The following OLAH variants were observed in gnomAD, a reference collection of about 807,000 sequenced individuals.
OLAH encodes oleoyl-ACP hydrolase, also known as S-acyl fatty acid synthase thioesterase, medium chain.
In OLAH, 33 loss-of-function variants were observed where a neutral mutation model predicts 27.8. That is an observed-to-expected ratio of 1.19 (90% CI 0.90 to 1.59). OLAH has a LOEUF of 1.59. Ranked by LOEUF, OLAH falls within the 40% of genes most tolerant of loss-of-function variation. The probability of loss-of-function intolerance (pLI) is 0.00; values close to 1 mark genes in which losing one functional copy is unlikely to be tolerated. For missense variants in OLAH, 359 were observed against 310.8 expected, an observed-to-expected ratio of 1.16 and a Z score of -1.17; for synonymous variants, 120 against 102.9, an observed-to-expected ratio of 1.17 and a Z score of -1.01.
chr10:15,038,386 G>C (rs1843873796), intron 1 of OLAH, among the ~76,000 whole-genome samples: 2 of 152,150 alleles, frequency 1.3e-5, no homozygotes, highest in Non-Finnish European at 1.5e-5. Context: ...CATAAGATTT[G>C]GGAGGGGTCC....
chr10:15,033,347 T>C (rs150954748), intron 1 of OLAH, among the ~76,000 whole-genome samples: 1 of 152,276 alleles, frequency 6.6e-6, no homozygotes, highest in East Asian at 1.9e-4. Flanking sequence ...CTTTGATGAC[T>C]TCAAATCTAG....
At chr10:15,071,656 G>T in intron 6 of OLAH, 139 bp from the exon 7 acceptor site, 1 of 1,412,826 alleles carries the variant, frequency 7.1e-7, no homozygotes, top group Non-Finnish European at 9.3e-7. Context: ...AAGTGCCATT[G>T]GTGAAAAATG....
intron 7 of OLAH, 130 bp downstream of exon 7, chr10:15,072,007 C>G (rs1197687517): frequency 1.6e-6 from 1 of 609,606 alleles, no homozygotes; most frequent in Non-Finnish European, 2.9e-6. Flanking sequence ...AATCTCAGCT[C>G]ATTGCAACCT....
At chr10:15,063,207 A>C (rs1258825008) in intron 4 of OLAH, among the ~76,000 whole-genome samples, 4 of 152,082 alleles carry the variant, frequency 2.6e-5, no homozygotes, top group Admixed American at 2.6e-4. Context: ...GCTCACTGCA[A>C]CCTCTGTCTG....
At chr10:15,064,977 A>G (rs1263040026) in intron 5 of OLAH, among the ~76,000 whole-genome samples, 2 of 152,224 alleles carry the variant, frequency 1.3e-5, no homozygotes, top group Non-Finnish European at 2.9e-5. Flanking sequence ...TGCAACGGCA[A>G]AAACCACAAT....
chr10:15,073,348 C>T lies in OLAH; in HGVS notation c.*119C>T, dbSNP rs1477619990. ...CACATTTTCTACTGTCAGGGAGATT[C>T]GTTACATAAATATATTTACGTATCT... On this transcript the variant is annotated 3_prime_UTR_variant, in exon 8 of 8. Coordinates refer to ENST00000378228, the MANE Select transcript of OLAH (RefSeq NM_001039702.3). 10 of 688,082 alleles carry T rather than the reference C, an allele frequency of 1.5e-5. No homozygotes were observed. The highest frequency in any genetic ancestry group is 5.5e-5 in the African/African-American group (3 of 54,590). The allele number at this position is 688,082 out of a possible 1,614,324, so 42.6% of individuals were successfully genotyped here.
chr10:15,058,062 G>T (rs975458751), intron 3 of OLAH, among the ~76,000 whole-genome samples: 2 of 152,106 alleles, frequency 1.3e-5, no homozygotes, highest in Admixed American at 1.3e-4. Context: ...TTTTGTTTGG[G>T]GTTGCCGTGA....
intron 1 of OLAH, among the ~76,000 whole-genome samples, chr10:15,044,540 T>C (rs1441047370): frequency 6.6e-6 from 1 of 152,018 alleles, no homozygotes; most frequent in African/African-American, 2.4e-5. Context: ...CTACTGTCTT[T>C]TTCATTCCTC....
chr10:15,072,454 G>C (rs919636914), intron 7 of OLAH, among the ~76,000 whole-genome samples: 1 of 152,124 alleles, frequency 6.6e-6, no homozygotes, highest in South Asian at 2.1e-4. Context: ...GACACCTAGT[G>C]TAAGAGTTAA....
chr10:15,065,464 T>C, intron 5 of OLAH, 120 bp from the exon 6 acceptor site: 1 of 1,017,378 alleles, frequency 9.8e-7, no homozygotes, highest in Non-Finnish European at 1.4e-6. Context: ...AGCCTATAGA[T>C]AAAGCAGTCT....
At chr10:15,044,809 C>T (rs1361050023) in intron 1 of OLAH, among the ~76,000 whole-genome samples, 1 of 152,140 alleles carries the variant, frequency 6.6e-6, no homozygotes, top group African/African-American at 2.4e-5. Context: ...CCCCACCTCT[C>T]CTCACCTCCT....
At chr10:15,060,599 G>C (rs1055542032) in intron 3 of OLAH, among the ~76,000 whole-genome samples, 1 of 151,852 alleles carries the variant, frequency 6.6e-6, no homozygotes, top group Non-Finnish European at 1.5e-5. Flanking sequence ...ACATCTCTAC[G>C]AGTTCCATTT....
At chr10:15,071,462 G>A in intron 6 of OLAH, 3 of 934,232 alleles carry the variant, frequency 3.2e-6, no homozygotes, top group Non-Finnish European at 3.8e-6. Flanking sequence ...CTGGGCCAAG[G>A]AGAGCTAAGA....
intron 6 of OLAH, 123 bp from the exon 7 acceptor site, chr10:15,071,672 C>A: frequency 7.0e-7 from 1 of 1,420,856 alleles, no homozygotes; most frequent in Non-Finnish European, 9.4e-7. Context: ...AAATGTTTTA[C>A]ACTGCTAGAG....
At chr10:15,046,517 G>C (rs1056717664) in intron 1 of OLAH, among the ~76,000 whole-genome samples, 3 of 151,834 alleles carry the variant, frequency 2.0e-5, no homozygotes, top group African/African-American at 7.2e-5. Context: ...ACCCAGGCTG[G>C]AGTGCAGTGG....
In OLAH at chr10:15,064,254, A is replaced by C. The variant is rs1439455097; in HGVS notation, c.303-149A>C. 3 of 603,528 alleles carry C rather than the reference A, an allele frequency of 5.0e-6. No individual in the cohort carries two copies. In the East Asian group the frequency reaches 9.4e-5, roughly 19 times the overall value. 37.4% of individuals were successfully genotyped at this position (603,528 alleles called of 1,614,324 possible). A position where few individuals can be genotyped will look rare whatever the true frequency, so the allele number is the denominator to read the frequency against. ...GTTTTTATGCTGATTTAAATCACTG[A>C]AAAGATAGACTTCTTAATCAACTCA... On this transcript the variant is annotated intron_variant, in intron 4 of 7. Transcript: ENST00000378228.
upstream of OLAH, among the ~76,000 whole-genome samples, chr10:15,039,530 T>A (rs981128658): frequency 7.9e-5 from 12 of 152,154 alleles, no homozygotes; most frequent in Admixed American, 2.0e-4. Context: ...TGAGCCGAGA[T>A]TGTGCCACTG....
rs557599376 is a variant in OLAH at position 15,073,826 on chromosome 10, C to T, written c.*597C>T. ...GTGAAGATGATTAACAGGGGAAATG[C>T]TTGAAGTAAATGATTGTTTCAATGG... is the stretch of plus-strand genomic sequence containing the variant. On this transcript the variant is annotated 3_prime_UTR_variant, in exon 8 of 8. Coordinates refer to ENST00000378228, the MANE Select transcript of OLAH (RefSeq NM_001039702.3). 5.3e-5 allele frequency: 8 copies of T among 152,232 alleles called. No individual in the cohort carries two copies. The highest frequency in any genetic ancestry group is 1.4e-4 in the African/African-American group (6 of 41,526). The allele number at this position is 152,232 out of a possible 1,614,324, so 9.4% of individuals were successfully genotyped here.
At chr10:15,041,978 G>C (rs1309385710), upstream of OLAH, among the ~76,000 whole-genome samples, 1 of 151,614 alleles carries the variant, frequency 6.6e-6, no homozygotes, top group Non-Finnish European at 1.5e-5. Context: ...TTTTCTGTCA[G>C]CTTCTCTTTT....
Sources: allele counts gnomAD v4.1 joint callset (sites outside exome capture counted in the v4.1 genomes callset), GRCh38; gene constraint gnomAD v4.1.1; transcripts MANE v1.5; gene names NCBI Gene and HGNC (gene_info 2026-07-23, HGNC 2026-07-21).